ZCCHC24: variants seen among roughly 807,000 people sequenced by gnomAD.
ZCCHC24 encodes the protein zinc finger CCHC domain-containing protein 24.
In ZCCHC24, 10 loss-of-function variants were observed where a neutral mutation model predicts 26.2. The observed-to-expected ratio is 0.38, with a 90% confidence interval of 0.24 to 0.65. The LOEUF is 0.65. Among genes scored for constraint, ZCCHC24 ranks in the 30% least tolerant of loss-of-function variants. The pLI is 0.54. For missense variants in ZCCHC24, 243 were observed against 329.1 expected, an observed-to-expected ratio of 0.74 and a Z score of 2.03; for synonymous variants, 144 against 147.1, an observed-to-expected ratio of 0.98 and a Z score of 0.15.
chr10:79,401,787 G>T (rs960277815), intron 2 of ZCCHC24, among the ~76,000 whole-genome samples: 1 of 152,210 alleles, frequency 6.6e-6, no homozygotes, highest in African/African-American at 2.4e-5. Flanking sequence ...CGACCCCACC[G>T]TGCGTCCAGC....
At position 79,383,920 on chromosome 10, in the gene ZCCHC24, G is replaced by A. The variant is rs1397030369; in HGVS notation, c.*2425C>T. 2.0e-5 allele frequency: 3 copies of A among 152,688 alleles called. No homozygotes were observed. Among genetic ancestry groups the A allele is most frequent in the African/African-American group, 4.8e-5 (2 of 41,412 alleles). 9.5% of individuals were successfully genotyped at this position (152,688 alleles called of 1,614,324 possible). A position where few individuals can be genotyped will look rare whatever the true frequency, so the allele number is the denominator to read the frequency against. On this transcript the variant is annotated 3_prime_UTR_variant, in exon 4 of 4. Transcript: ENST00000372336. ...AACTAGATCGCTAGATCTACCAACTGCAAGCGATTGTCCCTTTTGAACGTA... is the reference window on the plus strand; with the variant it reads ...AACTAGATCGCTAGATCTACCAACTACAAGCGATTGTCCCTTTTGAACGTA...
At chr10:79,429,230 A>G (rs11596058) in intron 2 of ZCCHC24, among the ~76,000 whole-genome samples, 1 of 152,244 alleles carries the variant, frequency 6.6e-6, no homozygotes, top group Admixed American at 6.5e-5. Context: ...CAGAATAGAC[A>G]GATCTACAGA....
At chr10:79,390,844 C>T (rs1403276544) in intron 3 of ZCCHC24, among the ~76,000 whole-genome samples, 1 of 152,112 alleles carries the variant, frequency 6.6e-6, no homozygotes, top group Non-Finnish European at 1.5e-5. Context: ...GGGGGGTTCT[C>T]CAGAGACGGA....
chr10:79,413,791 A>T (rs1302561236), intron 2 of ZCCHC24, among the ~76,000 whole-genome samples: 2 of 151,754 alleles, frequency 1.3e-5, no homozygotes, highest in Non-Finnish European at 2.9e-5. Context: ...AGAGAGAGAG[A>T]GAGAGAGAGA....
At chr10:79,430,022 T>C (rs1044396992) in intron 2 of ZCCHC24, among the ~76,000 whole-genome samples, 4 of 152,166 alleles carry the variant, frequency 2.6e-5, no homozygotes, top group African/African-American at 9.7e-5. Flanking sequence ...AATCAGGTTC[T>C]AGCCTGCCCA....
At chr10:79,394,622 G>A (rs1856520933) in intron 2 of ZCCHC24, 182 bp from the exon 3 acceptor site, 2 of 985,324 alleles carry the variant, frequency 2.0e-6, no homozygotes, top group South Asian at 4.7e-5. Context: ...CCGAAGGCTG[G>A]GAGGCACATA....
At chr10:79,430,686 C>CACACACACACACACA (rs370025190) in intron 2 of ZCCHC24, among the ~76,000 whole-genome samples, 259 of 140,690 alleles carry the variant, frequency 1.8e-3, no homozygotes, top group South Asian at 4.3e-3. Flanking sequence ...CACACACACA[C>CACACACACACACACA]CACACACACA....
intron 1 of ZCCHC24, among the ~76,000 whole-genome samples, chr10:79,435,210 T>G (rs535131926): frequency 9.3e-5 from 14 of 150,662 alleles, no homozygotes; most frequent in Non-Finnish European, 1.9e-4. Context: ...CTTTCTTTCT[T>G]TTTTTTTTAT....
intron 1 of ZCCHC24, among the ~76,000 whole-genome samples, chr10:79,436,294 C>T (rs1306881622): frequency 2.0e-5 from 3 of 152,226 alleles, no homozygotes; most frequent in African/African-American, 7.2e-5. Flanking sequence ...CCTCCAGGGC[C>T]TGGCTCCAGA....
chr10:79,403,692 G>T, intron 2 of ZCCHC24: 1 of 801,666 alleles, frequency 1.2e-6, no homozygotes, highest in Non-Finnish European at 1.5e-6. Context: ...CTGGGTTCCT[G>T]CTGCAGCCCA....
intron 1 of ZCCHC24, among the ~76,000 whole-genome samples, chr10:79,443,753 T>C (rs986091461): frequency 6.6e-6 from 1 of 152,174 alleles, no homozygotes; most frequent in Non-Finnish European, 1.5e-5. Context: ...GAAAGAAAGA[T>C]CCCCAGCCAA....
rs144529546 is a variant in ZCCHC24 at position 79,406,530 on chromosome 10, T to A, written c.448-12090A>T. Among the ~76,000 whole-genome samples, 321 of 152,298 alleles carry A rather than the reference T, an allele frequency of 2.1e-3. 2 individuals are homozygous for A. The highest frequency in any genetic ancestry group is 7.4e-3 in the African/African-American group (309 of 41,548). ...TGTCCCCAAAGGCGAGGGTGTTCTG[T>A]GCAGGAAGCTCTGCAGGAAGCAGGA... On this transcript the variant is annotated intron_variant, in intron 2 of 3. Coordinates refer to ENST00000372336, the MANE Select transcript of ZCCHC24 (RefSeq NM_153367.4).
At chr10:79,386,563 T>G (rs919211630) in intron 3 of ZCCHC24, 105 bp from the exon 4 acceptor site, 140 of 848,226 alleles carry the variant, frequency 1.7e-4, no homozygotes, top group Middle Eastern at 1.4e-3. Flanking sequence ...GTGAGACAGG[T>G]ACACAGGGAG....
At chr10:79,444,478 C>A (rs75134713) in intron 1 of ZCCHC24, among the ~76,000 whole-genome samples, 72 of 152,068 alleles carry the variant, frequency 4.7e-4, no homozygotes, top group African/African-American at 1.1e-3. Context: ...CTCTCCCCCC[C>A]CCTTTCTAGC....
intron 2 of ZCCHC24, among the ~76,000 whole-genome samples, chr10:79,429,292 T>C (rs1312370110): frequency 6.6e-6 from 1 of 152,068 alleles, no homozygotes; most frequent in Non-Finnish European, 1.5e-5. Context: ...GATCAAGAGG[T>C]GACATCTGGG....
At chr10:79,432,216 A>G (rs1002432133) in intron 2 of ZCCHC24, among the ~76,000 whole-genome samples, 2 of 152,228 alleles carry the variant, frequency 1.3e-5, no homozygotes, top group African/African-American at 4.8e-5. Flanking sequence ...GGGAGCTGTG[A>G]GGAGACTGCC....
chr10:79,433,727 C>A (rs185895718), intron 1 of ZCCHC24, among the ~76,000 whole-genome samples: 11 of 152,228 alleles, frequency 7.2e-5, no homozygotes, highest in African/African-American at 2.6e-4. Flanking sequence ...CCTTGGGGGG[C>A]CTTGTGTCTG....
intron 2 of ZCCHC24, among the ~76,000 whole-genome samples, chr10:79,416,351 G>A (rs931222144): frequency 2.6e-5 from 4 of 152,216 alleles, no homozygotes; most frequent in Non-Finnish European, 4.4e-5. Context: ...AACCAAACGC[G>A]TTGGTAATGA....
At chr10:79,403,592 G>T in intron 2 of ZCCHC24, 1 of 985,402 alleles carries the variant, frequency 1.0e-6, no homozygotes. Flanking sequence ...CGCGGCAAGA[G>T]GCCACCCGGG....
Sources: allele counts gnomAD v4.1 joint callset (sites outside exome capture counted in the v4.1 genomes callset), GRCh38; gene constraint gnomAD v4.1.1; transcripts MANE v1.5; gene names NCBI Gene and HGNC (gene_info 2026-07-23, HGNC 2026-07-21).